Variants in CAST observed in about 807,000 individuals in gnomAD.
CAST encodes calpastatin.
A neutral mutation model predicts 119.6 loss-of-function variants in CAST; 76 were observed. The ratio of observed to expected loss-of-function variants is 0.64; its 90% CI spans 0.53 to 0.77. CAST has a LOEUF of 0.77. Ranked by LOEUF, CAST falls within the 30% of genes least tolerant of loss-of-function variation. The pLI, the probability that CAST is intolerant of heterozygous loss-of-function variation, is 0.00. For missense variants in CAST, 953 were observed against 946.5 expected, an observed-to-expected ratio of 1.01 and a Z score of -0.09; for synonymous variants, 319 against 331.6, an observed-to-expected ratio of 0.96 and a Z score of 0.41.
chr5:96,524,950 C>T (rs1745575109), upstream of CAST, among the ~76,000 whole-genome samples: 1 of 152,194 alleles, frequency 6.6e-6, no homozygotes, highest in South Asian at 2.1e-4. Context: ...CTCTGAGGCT[C>T]CAAGACGGAA....
At chr5:96,292,115 T>C in the CAST span, among the ~76,000 whole-genome samples, 3 of 152,300 alleles carry the variant, frequency 2.0e-5, no homozygotes, top group South Asian at 6.2e-4. Context: ...AAGACGCATA[T>C]GTTAATATCT....
chr5:96,539,583 A>T (rs1258493576), intron 1 of CAST, among the ~76,000 whole-genome samples: 1 of 152,118 alleles, frequency 6.6e-6, no homozygotes, highest in African/African-American at 2.4e-5. Context: ...ATGTCATGTC[A>T]TGTATCCATC....
chr5:96,610,070 T>C (rs773460276), intron 1 of CAST, among the ~76,000 whole-genome samples: 2 of 152,222 alleles, frequency 1.3e-5, no homozygotes, highest in African/African-American at 2.4e-5. Context: ...AATTGAATTA[T>C]TGGGGGCAGG....
the CAST span, among the ~76,000 whole-genome samples, chr5:96,124,824 A>G: frequency 6.6e-6 from 1 of 152,204 alleles, no homozygotes; most frequent in Admixed American, 6.5e-5. Context: ...TTTTTACAGA[A>G]CTGAGGGTTA....
intron 21 of CAST, 141 bp downstream of exon 21, chr5:96,754,302 T>C (rs1393588730): frequency 8.9e-6 from 6 of 671,758 alleles, no homozygotes; most frequent in African/African-American, 7.2e-5. Flanking sequence ...GTGCATATCC[T>C]GTTTAATAAG....
the CAST span, chr5:96,432,276 C>T: frequency 5.7e-6 from 4 of 699,638 alleles, no homozygotes; most frequent in African/African-American, 7.1e-5. Context: ...CCCCCAGCTT[C>T]CCAGGCTACT....
the CAST span, among the ~76,000 whole-genome samples, chr5:96,501,060 CA>C: frequency 6.6e-6 from 1 of 152,090 alleles, no homozygotes; most frequent in Non-Finnish European, 1.5e-5. Flanking sequence ...ATAAAGTTAA[CA>C]AAGTCAGGTA....
At chr5:96,214,368 G>A in the CAST span, among the ~76,000 whole-genome samples, 52 of 152,184 alleles carry the variant, frequency 3.4e-4, no homozygotes, top group African/African-American at 1.2e-3. Context: ...AAAAGAAAAG[G>A]CAATATTTTA....
chr5:96,576,130 A>G (rs1167628005), intron 1 of CAST, among the ~76,000 whole-genome samples: 1 of 152,064 alleles, frequency 6.6e-6, no homozygotes, highest in East Asian at 1.9e-4. Flanking sequence ...TTTGTTGAGG[A>G]AATTTTTGTC....
chr5:96,290,948 A>G, the CAST span, among the ~76,000 whole-genome samples: 1 of 152,208 alleles, frequency 6.6e-6, no homozygotes, highest in Non-Finnish European at 1.5e-5. Flanking sequence ...ATGAAAGAAA[A>G]TGTGACTTCC....
the CAST span, among the ~76,000 whole-genome samples, chr5:96,103,597 T>C: frequency 6.6e-6 from 1 of 151,572 alleles, no homozygotes; most frequent in African/African-American, 2.4e-5. Context: ...ATCCAGTCTA[T>C]CATTGTTGGA....
chr5:96,430,494 G>A, the CAST span, among the ~76,000 whole-genome samples: 87 of 152,220 alleles, frequency 5.7e-4, no homozygotes, highest in African/African-American at 2.0e-3. Context: ...ATCAGCAGCC[G>A]CAGAAAAAGA....
At chr5:96,582,493 T>C in intron 1 of CAST, among the ~76,000 whole-genome samples, 1 of 152,192 alleles carries the variant, frequency 6.6e-6, no homozygotes. Flanking sequence ...ACTCTGAGCA[T>C]ATGGATAAGT....
At chr5:96,429,919 A>G in the CAST span, among the ~76,000 whole-genome samples, 3,757 of 152,294 alleles carry the variant, frequency 0.025, 154 homozygotes, top group African/African-American at 0.086. Flanking sequence ...ATGTGTGACA[A>G]TATCATATTA....
chr5:96,720,051 G>T (rs1353364133), intron 3 of CAST, among the ~76,000 whole-genome samples: 1 of 152,070 alleles, frequency 6.6e-6, no homozygotes, highest in Non-Finnish European at 1.5e-5. Context: ...TGCCATCTTT[G>T]ACTAGGCTAT....
intron 2 of CAST, among the ~76,000 whole-genome samples, chr5:96,685,273 A>G (rs914461641): frequency 2.0e-5 from 3 of 152,178 alleles, no homozygotes; most frequent in Non-Finnish European, 4.4e-5. Context: ...CATAAGCACT[A>G]GAAACCTCAT....
intron 1 of CAST, among the ~76,000 whole-genome samples, chr5:96,668,324 C>T (rs1170843329): frequency 6.6e-6 from 1 of 152,220 alleles, no homozygotes; most frequent in Admixed American, 6.5e-5. Context: ...ATATATAATA[C>T]ACAGTCATGA....
At chr5:96,156,545 A>C in the CAST span, among the ~76,000 whole-genome samples, 1 of 152,198 alleles carries the variant, frequency 6.6e-6, no homozygotes. Context: ...AATGGTACAA[A>C]CTTCTGAGAA....
the CAST span, among the ~76,000 whole-genome samples, chr5:96,052,902 T>C: frequency 2.0e-5 from 3 of 152,026 alleles, no homozygotes; most frequent in African/African-American, 7.3e-5. Context: ...GTGTGCCCTG[T>C]AGACAGTGGA....
Sources: allele counts gnomAD v4.1 joint callset (sites outside exome capture counted in the v4.1 genomes callset), GRCh38; gene constraint gnomAD v4.1.1; transcripts MANE v1.5; gene names NCBI Gene and HGNC (gene_info 2026-07-23, HGNC 2026-07-21).